NR2F2: variants seen among roughly 807,000 people sequenced by gnomAD.
The protein encoded by NR2F2 is nuclear receptor subfamily 2 group F member 2.
Under a neutral mutation model 34.8 loss-of-function variants are expected in NR2F2, and 2 were observed. The observed-to-expected ratio is 0.06, with a 90% CI of 0.02 to 0.18. The LOEUF is 0.18. Among genes scored for constraint, NR2F2 ranks in the 10% least tolerant of loss-of-function variants. The probability of loss-of-function intolerance (pLI) is 1.00; values close to 1 mark genes in which losing one functional copy is unlikely to be tolerated. For synonymous variants in NR2F2, 274 were observed against 251.8 expected (o/e 1.09, Z -0.84); for missense variants, 300 against 580.1 (o/e 0.52, Z 4.96).
chr15:96,337,384 G>A lies in NR2F2; in HGVS notation c.1007G>A (p.Ser336Asn). The change falls in exon 3 of 3, where the codon AGC becomes AAC. Residue 336 changes from serine to asparagine, a missense_variant. Ser to Asn is a conservative substitution (Grantham distance 46, BLOSUM62 1). Coordinates refer to ENST00000394166, the MANE Select transcript of NR2F2 (RefSeq NM_021005.4). ...CGLSDVAHVE[S>N]LQEKSQCALE... ...CTCTCTGATGTAGCCCATGTGGAAAGCTTGCAGGAAAAGTCTCAGTGTGCT... is the reference window on the plus strand; with the variant it reads ...CTCTCTGATGTAGCCCATGTGGAAAACTTGCAGGAAAAGTCTCAGTGTGCT... 1 of 1,613,912 alleles carries A rather than the reference G, an allele frequency of 6.2e-7. No homozygotes were observed. The highest frequency in any genetic ancestry group is 8.5e-7 in the Non-Finnish European group (1 of 1,180,004).
chr15:96,332,182 C>T lies in NR2F2; in HGVS notation c.77C>T (p.Ala26Val). The T allele has an allele frequency of 7.5e-7, 1 of 1,330,060 alleles. No homozygotes were observed. 82.4% of individuals were successfully genotyped at this position (1,330,060 alleles called of 1,614,324 possible). The part of the protein sequence containing the change: ...PGSQGSQASQ[A>V]PPVPGPPPGA... ...TCACAGGGCAGCCAGGCCTCGCAGG[C>T]GCCGCCCGTGCCCGGCCCGCCGCCC... Residue 26 changes from alanine (A) to valine (V), a missense_variant, in exon 1 of 3, where the codon GCG becomes GTG. By Grantham distance (64) the Ala-to-Val change is moderately conservative. Around this residue, in one of 6 missense-constraint regions of NR2F2, gnomAD observed 105 missense variants for 107.8 expected, o/e 0.97. Coordinates refer to ENST00000394166, the MANE Select transcript of NR2F2 (RefSeq NM_021005.4).
At chr15:96,335,395 TGTGA>T (rs1335977302) in intron 2 of NR2F2, among the ~76,000 whole-genome samples, 1 of 152,268 alleles carries the variant, frequency 6.6e-6, no homozygotes, top group Non-Finnish European at 1.5e-5. Context: ...GTTTAACCTG[TGTGA>T]GTAATAGAGC....
In NR2F2 at chr15:96,334,222, G is replaced by A. The variant is rs1313936705; in HGVS notation, c.589G>A (p.Gly197Ser). 1.2e-6 allele frequency: 2 copies of A among 1,614,100 alleles called. No homozygotes were observed. The highest frequency in any genetic ancestry group is 1.1e-5 in the South Asian group (1 of 91,078). The change falls in exon 2 of 3, where the codon GGC (glycine) becomes AGC (serine). Residue 197 changes from glycine to serine, a missense_variant. Gly to Ser is a moderately conservative substitution (Grantham distance 56). Coordinates refer to ENST00000394166, the MANE Select transcript of NR2F2 (RefSeq NM_021005.4). ...RAEPYPTSRF[G>S]SQCMQPNNIM... ...GGAGCCCTATCCCACGTCGCGCTTC[G>A]GCAGCCAATGCATGCAGCCCAACAA...
chr15:96,334,000 TG>T, intron 1 of NR2F2, 75 bp from the exon 2 acceptor site: 1 of 1,552,950 alleles, frequency 6.4e-7, no homozygotes. Flanking sequence ...GGGGTCGGGC[TG>T]GGGCAGACCC....
Position 96,331,061 on chromosome 15 carries a change from A to AGCAGCAGCGGCTCCGGCGGCG in NR2F2, c.-1033_-1013dup, listed in dbSNP as rs1290427596. The AGCAGCAGCGGCTCCGGCGGCG allele has an allele frequency of 1.6e-6, 2 of 1,239,072 alleles. No homozygotes were observed. The highest frequency in any genetic ancestry group is 3.1e-5 in the East Asian group (1 of 31,834). 76.8% of individuals were successfully genotyped at this position (1,239,072 alleles called of 1,614,324 possible). A position where few individuals can be genotyped will look rare whatever the true frequency, so the allele number is the denominator to read the frequency against. On this transcript the variant is annotated 5_prime_UTR_variant, in exon 1 of 3. Coordinates refer to ENST00000394166, the MANE Select transcript of NR2F2 (RefSeq NM_021005.4). ...TGTGTGAGGCGGCGGCGGCAGCAGC[A>AGCAGCAGCGGCTCCGGCGGCG]GCAGCAGCGGCTCCGGCGGCGGCAG...
In NR2F2 at chr15:96,331,977, C is replaced by G. The variant is rs866894374; in HGVS notation, c.-129C>G. On this transcript the variant is annotated 5_prime_UTR_variant, in exon 1 of 3. Transcript: ENST00000394166. ...GCCCCCGAGCCACCCGGGGCGCCCT[C>G]CCGCGCCCTCTTGCACCCTCGCACA... 1 of 1,209,120 alleles carries G rather than the reference C, an allele frequency of 8.3e-7. No individual in the cohort carries two copies. Among genetic ancestry groups the G allele is most frequent in the African/African-American group, 1.6e-5 (1 of 63,270 alleles). 74.9% of individuals were successfully genotyped at this position (1,209,120 alleles called of 1,614,324 possible).
At chr15:96,337,308 T>TTTTTCTTCTTC in intron 2 of NR2F2, 40 bp from the exon 3 acceptor site, 1 of 1,469,148 alleles carries the variant, frequency 6.8e-7, no homozygotes, top group Non-Finnish European at 9.3e-7. Flanking sequence ...TCTTCTTCTT[T>TTTTTCTTCTTC]TTCTTCTTCT....
At chr15:96,328,971 T>C (rs1596420367), upstream of NR2F2, among the ~76,000 whole-genome samples, 1 of 152,322 alleles carries the variant, frequency 6.6e-6, no homozygotes, top group East Asian at 1.9e-4. Flanking sequence ...GAGAATTGAA[T>C]GTAAAATGTG....
chr15:96,337,514 G>A lies in NR2F2; in HGVS notation c.1137G>A (p.Glu379=). The change falls in exon 3 of 3, where the codon GAG becomes GAA. Residue 379 remains glutamate (E), a synonymous_variant. Coordinates refer to ENST00000394166, the MANE Select transcript of NR2F2 (RefSeq NM_021005.4). ...GCACCGTCTCCTCCTCAGTCATAGA[G>A]CAATTGTTTTTCGTCCGTTTGGTAG... ...SLRTVSSSVI[E]QLFFVRLVGK... The A allele has an allele frequency of 6.2e-7, 1 of 1,614,092 alleles. No homozygotes were observed. Among genetic ancestry groups the A allele is most frequent in the Non-Finnish European group, 8.5e-7 (1 of 1,180,034 alleles).
upstream of NR2F2, chr15:96,326,319 G>A: frequency 6.2e-7 from 1 of 1,613,776 alleles, no homozygotes; most frequent in South Asian, 1.1e-5. The surrounding 1 kb of genome is among the most constrained non-coding windows in gnomAD (Gnocchi z 5.5). Context: ...GATGCAAGCG[G>A]TTTGGGACCT....
At chr15:96,332,660 C>T in intron 1 of NR2F2, 113 bp downstream of exon 1, 1 of 1,472,172 alleles carries the variant, frequency 6.8e-7, no homozygotes, top group Non-Finnish European at 9.0e-7. Context: ...CTTCGTATTG[C>T]AGCGGAAAAG....
rs551936462 is a variant in NR2F2, at chr15:96,332,234, C to G, written c.129C>G (p.Pro43=). ...GCGCCCCGCACACGCCACAGACGCC[C>G]GGCCAAGGGGGCCCAGCCAGCACGC... ...PPGAPHTPQT[P]GQGGPASTPA... The change falls in exon 1 of 3, where the codon CCC becomes CCG. Residue 43 remains proline (P), a synonymous_variant. Transcript: ENST00000394166. 973 of 1,534,484 alleles carry G rather than the reference C, an allele frequency of 6.3e-4. 1 individual carries two copies. Among genetic ancestry groups the G allele is most frequent in the Non-Finnish European group, 8.0e-4 (908 of 1,141,812 alleles).
upstream of NR2F2, chr15:96,327,282 C>T (rs1274582757): frequency 6.6e-6 from 1 of 152,086 alleles, no homozygotes; most frequent in Middle Eastern, 3.2e-3. Flanking sequence ...ATTTTAAATC[C>T]TGAAGAATTA....
In NR2F2 at chr15:96,331,162, G is replaced by A. The variant is rs1899128647; in HGVS notation, c.-944G>A. On this transcript the variant is annotated 5_prime_UTR_variant, in exon 1 of 3. Coordinates refer to ENST00000394166, the MANE Select transcript of NR2F2 (RefSeq NM_021005.4). ...CCGGGCCCGACCCGGCGGCTTCGGC[G>A]GCGGCTCCGGCGGCAGCGGCGGCCC... 1.0e-6 allele frequency: 1 copy of A among 980,886 alleles called. No individual in the cohort carries two copies. The highest frequency in any genetic ancestry group is 9.8e-5 in the East Asian group (1 of 10,234). 60.8% of individuals were successfully genotyped at this position (980,886 alleles called of 1,614,324 possible).
chr15:96,326,426 G>C, upstream of NR2F2: 1 of 1,280,878 alleles, frequency 7.8e-7, no homozygotes, highest in South Asian at 1.2e-5. This position sits in a 1 kb window ranked among gnomAD's most constrained non-coding sequence, Gnocchi z 5.5. Flanking sequence ...GTGGGGTTGG[G>C]GATGACTTGG....
chr15:96,331,901 T>C lies in NR2F2; in HGVS notation c.-205T>C. ...GGGCCAGACAAGCCATCGACAAAACTTTGCAAAAGCAAAAACAAAAAAGGA... is the reference window on the plus strand; with the variant it reads ...GGGCCAGACAAGCCATCGACAAAACCTTGCAAAAGCAAAAACAAAAAAGGA... On this transcript the variant is annotated 5_prime_UTR_variant, in exon 1 of 3. Transcript: ENST00000394166. The C allele has an allele frequency of 8.3e-7, 1 of 1,205,960 alleles. No individual in the cohort carries two copies. The highest frequency in any genetic ancestry group is 1.0e-6 in the Non-Finnish European group (1 of 972,388). The allele number at this position is 1,205,960 out of a possible 1,614,324, so 74.7% of individuals were successfully genotyped here.
In NR2F2 at chr15:96,330,786, T is replaced by C; in HGVS notation, c.-1320T>C. Reference sequence around the variant, plus strand: ...TTAGCATATTTGATCACTTTGATTCTCTGTTCTTTTCTCTCCGCGGTGTGT... The same window carrying C: ...TTAGCATATTTGATCACTTTGATTCCCTGTTCTTTTCTCTCCGCGGTGTGT... On this transcript the variant is annotated 5_prime_UTR_variant, in exon 1 of 3. Coordinates refer to ENST00000394166, the MANE Select transcript of NR2F2 (RefSeq NM_021005.4). The C allele has an allele frequency of 1.0e-6, 1 of 973,708 alleles. No homozygotes were observed. The highest frequency in any genetic ancestry group is 1.3e-6 in the Non-Finnish European group (1 of 785,598). 60.3% of individuals were successfully genotyped at this position (973,708 alleles called of 1,614,324 possible).
Position 96,331,484 on chromosome 15 carries a change from C to T in NR2F2, c.-622C>T. On this transcript the variant is annotated 5_prime_UTR_variant, in exon 1 of 3. Transcript: ENST00000394166. Reference sequence around the variant, plus strand: ...AGTCCTCCTGATTTCGATGGCTTTCCTGAATGGCTGACTGTGGGCTGCCCT... The same window carrying T: ...AGTCCTCCTGATTTCGATGGCTTTCTTGAATGGCTGACTGTGGGCTGCCCT... 8.1e-7 allele frequency: 1 copy of T among 1,231,044 alleles called. No individual in the cohort carries two copies. The highest frequency in any genetic ancestry group is 1.6e-5 in the African/African-American group (1 of 64,426). The allele number at this position is 1,231,044 out of a possible 1,614,324, so 76.3% of individuals were successfully genotyped here. A position where few individuals can be genotyped will look rare whatever the true frequency, so the allele number is the denominator to read the frequency against.
Position 96,337,586 on chromosome 15 carries a change from C to T in NR2F2, c.1209C>T (p.Gly403=), listed in dbSNP as rs1899371835. 1.9e-6 allele frequency: 3 copies of T among 1,614,068 alleles called. No individual in the cohort carries two copies. The highest frequency in any genetic ancestry group is 2.5e-6 in the Non-Finnish European group (3 of 1,180,016). Residue 403 remains glycine, a synonymous_variant, in exon 3 of 3, where the codon GGC becomes GGT. Transcript: ENST00000394166. ...TCATCCGGGATATGTTACTGTCCGG[C>T]AGCAGTTTTAACTGGCCGTATATGG... The part of the protein sequence containing the change: ...ETLIRDMLLS[G]SSFNWPYMAI...
Sources: gnomAD v4.1 joint callset for allele counts (sites outside exome capture counted in the v4.1 genomes callset) on GRCh38, gnomAD v4.1.1 for gene constraint, gnomAD v4.1.1 regional missense constraint, Gnocchi (gnomAD v3.1) non-coding constraint, MANE v1.5 for transcripts, NCBI Gene and HGNC (gene_info 2026-07-23, HGNC 2026-07-21) for gene names.